Variants in CABCOCO1 observed in about 807,000 individuals in gnomAD.
CABCOCO1 encodes ciliary-associated calcium-binding coiled-coil protein 1.
CABCOCO1 carries 28 observed loss-of-function variants against 35.7 expected under a neutral mutation model. That is an observed-to-expected ratio of 0.78 (90% CI 0.58 to 1.07). The LOEUF (loss-of-function observed/expected upper bound fraction) is 1.07, where lower values mean the gene tolerates loss of function less well. Among genes scored for constraint, CABCOCO1 ranks in the 50% least tolerant of loss-of-function variants. The pLI, the probability that CABCOCO1 is intolerant of heterozygous loss-of-function variation, is 0.00. For synonymous variants in CABCOCO1, 95 were observed against 100.1 expected, an observed-to-expected ratio of 0.95 and a Z score of 0.30; for missense variants, 326 against 309.2, an observed-to-expected ratio of 1.05 and a Z score of -0.41.
At chr10:61,748,627 T>C (rs1195745917) in intron 5 of CABCOCO1, among the ~76,000 whole-genome samples, 2 of 152,258 alleles carry the variant, frequency 1.3e-5, no homozygotes, top group Non-Finnish European at 2.9e-5. Flanking sequence ...TGCCTTTGAC[T>C]AGTGACAATG....
chr10:61,761,308 G>T (rs1357913363), intron 7 of CABCOCO1, among the ~76,000 whole-genome samples: 2 of 152,012 alleles, frequency 1.3e-5, no homozygotes, highest in African/African-American at 4.8e-5. Flanking sequence ...TATGCAAAAG[G>T]AATTGGAATG....
At chr10:61,728,069 T>C (rs1443787735) in intron 5 of CABCOCO1, among the ~76,000 whole-genome samples, 1 of 152,234 alleles carries the variant, frequency 6.6e-6, no homozygotes, top group Non-Finnish European at 1.5e-5. Flanking sequence ...AGATATAATT[T>C]CAAAGGACTA....
In CABCOCO1 at chr10:61,756,860, T is replaced by C. The variant is rs973837973; in HGVS notation, c.553-3199T>C. Among the ~76,000 whole-genome samples the C allele has an allele frequency of 2.6e-5, 4 of 151,976 alleles. No individual in the cohort carries two copies. In the South Asian group the frequency reaches 8.3e-4, roughly 32 times the overall value. On this transcript the variant is annotated intron_variant, in intron 5 of 7. Coordinates refer to ENST00000648843, the MANE Select transcript of CABCOCO1 (RefSeq NM_001366906.2). ...CTTGATCCTTTTCTGTTTTTATTTT[T>C]CCAGATTTAAGAGGTAACATATTAG...
chr10:61,663,634 G>T (rs1463982003), intron 1 of CABCOCO1, among the ~76,000 whole-genome samples: 2 of 152,208 alleles, frequency 1.3e-5, no homozygotes, highest in African/African-American at 4.8e-5. Context: ...TATGGCTTTA[G>T]TTGCTCATCA....
At chr10:61,719,539 G>A (rs1008852998) in intron 5 of CABCOCO1, among the ~76,000 whole-genome samples, 1 of 152,156 alleles carries the variant, frequency 6.6e-6, no homozygotes. Flanking sequence ...ACTCAGCATA[G>A]GGTATACACT....
At chr10:61,762,191 G>A (rs777985550) in intron 7 of CABCOCO1, among the ~76,000 whole-genome samples, 15 of 152,016 alleles carry the variant, frequency 9.9e-5, no homozygotes, top group Admixed American at 8.5e-4. Flanking sequence ...AATTATTGCC[G>A]AGGAACTACC....
chr10:61,744,819 A>C (rs1841622936), intron 5 of CABCOCO1, among the ~76,000 whole-genome samples: 1 of 152,182 alleles, frequency 6.6e-6, no homozygotes, highest in South Asian at 2.1e-4. Context: ...TAAGTAAGAG[A>C]ATTAAGTTAA....
At chr10:61,736,330 A>G (rs959967985) in intron 5 of CABCOCO1, among the ~76,000 whole-genome samples, 4 of 152,152 alleles carry the variant, frequency 2.6e-5, no homozygotes, top group Non-Finnish European at 5.9e-5. Context: ...TGGTGTAAGA[A>G]AGGGTTCCAG....
intron 5 of CABCOCO1, among the ~76,000 whole-genome samples, chr10:61,712,580 A>G (rs61850497): frequency 0.042 from 6,342 of 152,214 alleles, 275 homozygotes; most frequent in African/African-American, 0.1. Context: ...GTCCTTGCCC[A>G]TGCCTATGTC....
rs778270785 is a variant in CABCOCO1 at position 61,760,945 on chromosome 10, T to A, written c.758T>A (p.Ile253Asn). ...ATGGATCCTTTAGTTGGTTTTACCATTGAAGATGTAAAATCAGTGCTGGAT... is the reference window on the plus strand; with the variant it reads ...ATGGATCCTTTAGTTGGTTTTACCAATGAAGATGTAAAATCAGTGCTGGAT... ...SDMDPLVGFT[I>N]EDVKSVLDQV... The change falls in exon 7 of 8, where the codon ATT (isoleucine) becomes AAT (asparagine). Residue 253 changes from isoleucine to asparagine, a missense_variant. Coordinates refer to ENST00000648843, the MANE Select transcript of CABCOCO1 (RefSeq NM_001366906.2). The A allele has an allele frequency of 1.9e-6, 3 of 1,612,706 alleles. No individual in the cohort carries two copies. Among genetic ancestry groups the A allele is most frequent in the Admixed American group, 1.7e-5 (1 of 59,862 alleles).
intron 5 of CABCOCO1, among the ~76,000 whole-genome samples, chr10:61,714,382 C>A (rs547017828): frequency 7.2e-4 from 109 of 152,136 alleles, no homozygotes; most frequent in African/African-American, 2.6e-3. Flanking sequence ...TTTATTGTGT[C>A]TATTTGATTC....
intron 5 of CABCOCO1, among the ~76,000 whole-genome samples, chr10:61,720,914 A>ATTTTTT (rs1840992456): frequency 1.2e-4 from 7 of 60,264 alleles, no homozygotes; most frequent in East Asian, 3.4e-4. Context: ...TTTTCTTTTC[A>ATTTTTT]TTCTTTTTTT....
At chr10:61,714,892 T>A (rs1840822591) in intron 5 of CABCOCO1, among the ~76,000 whole-genome samples, 1 of 152,212 alleles carries the variant, frequency 6.6e-6, no homozygotes, top group Admixed American at 6.5e-5. Context: ...TGTTGTGATT[T>A]CTGTTCTTTT....
intron 1 of CABCOCO1, among the ~76,000 whole-genome samples, chr10:61,668,793 G>A (rs1233405586): frequency 6.6e-6 from 1 of 150,688 alleles, no homozygotes; most frequent in Non-Finnish European, 1.5e-5. Flanking sequence ...CACTCTCCTT[G>A]GGCACAGAAT....
In CABCOCO1 at chr10:61,680,675, TATGTTATACATGTATA is replaced by T. The variant is rs1564532722; in HGVS notation, c.165-466_165-451del. 2.2e-3 allele frequency among the ~76,000 whole-genome samples: 203 copies of T among 91,328 alleles called. 24 individuals carry two copies. Among genetic ancestry groups the T allele is most frequent in the African/African-American group, 7.9e-3 (190 of 24,122 alleles). The allele number at this position is 91,328 out of a possible 152,430, so 59.9% of individuals were successfully genotyped here. On this transcript the variant is annotated intron_variant, in intron 2 of 7. Coordinates refer to ENST00000648843, the MANE Select transcript of CABCOCO1 (RefSeq NM_001366906.2). ...TATTATGTTATACATGTATAACATATATGTTATACATGTATAACATATATATGTTATACATGTATAA... is the reference window on the plus strand; with the variant it reads ...TATTATGTTATACATGTATAACATATACATATATATGTTATACATGTATAA...
intron 5 of CABCOCO1, among the ~76,000 whole-genome samples, chr10:61,730,992 CAT>C (rs942033530): frequency 6.6e-6 from 1 of 151,414 alleles, no homozygotes; most frequent in African/African-American, 2.4e-5. Flanking sequence ...TTAAATAAAA[CAT>C]ATGCTCCTAA....
chr10:61,755,639 C>T (rs566999563), intron 5 of CABCOCO1, among the ~76,000 whole-genome samples: 2 of 152,066 alleles, frequency 1.3e-5, no homozygotes, highest in East Asian at 3.9e-4. Flanking sequence ...ATCTCAACTG[C>T]ATATTTAATA....
intron 5 of CABCOCO1, among the ~76,000 whole-genome samples, chr10:61,743,793 A>G (rs189356577): frequency 6.6e-6 from 1 of 151,920 alleles, no homozygotes; most frequent in East Asian, 1.9e-4. Context: ...GCTAACTCCT[A>G]TTTCTCCTTT....
At chr10:61,759,070 G>A (rs1053919196) in intron 5 of CABCOCO1, among the ~76,000 whole-genome samples, 7 of 151,486 alleles carry the variant, frequency 4.6e-5, no homozygotes, top group African/African-American at 1.7e-4. Context: ...TCAAAATTTT[G>A]TCTTCAAACT....
Sources: allele counts gnomAD v4.1 joint callset (sites outside exome capture counted in the v4.1 genomes callset), GRCh38; gene constraint gnomAD v4.1.1; transcripts MANE v1.5; gene names NCBI Gene and HGNC (gene_info 2026-07-23, HGNC 2026-07-21).